The following PIWIL2 variants were observed in gnomAD, a reference collection of about 807,000 sequenced individuals.
The protein encoded by PIWIL2 is piwi-like protein 2.
Under a neutral mutation model 116.5 loss-of-function variants are expected in PIWIL2, and 81 were observed. That is an observed-to-expected ratio of 0.70 (90% CI 0.58 to 0.84). The LOEUF is 0.84. PIWIL2 is among the 40% of genes least tolerant of loss of function. The pLI, the probability that PIWIL2 is intolerant of heterozygous loss-of-function variation, is 0.00. For synonymous variants in PIWIL2, 489 were observed against 429.5 expected (o/e 1.14, Z -1.71); for missense variants, 1,272 against 1,212.3 (o/e 1.05, Z -0.73).
chr8:22,340,026 A>G (rs991162373), intron 20 of PIWIL2, among the ~76,000 whole-genome samples: 6 of 151,088 alleles, frequency 4.0e-5, no homozygotes, highest in Non-Finnish European at 8.8e-5. Flanking sequence ...AGCAGAGTGA[A>G]CCTAACTGTA....
chr8:22,290,317 C>G lies in PIWIL2; in HGVS notation c.1152C>G (p.Val384=). ...TGCTAGCTGATGTCTCCCATAAGGT[C>G]ATTCGGAATGACTGTGTGCTGGATG... ...LFLLADVSHK[V]IRNDCVLDVM... Residue 384 remains valine, a synonymous_variant, in exon 10 of 23, where the codon GTC becomes GTG. Transcript: ENST00000356766. 6.2e-7 allele frequency: 1 copy of G among 1,608,742 alleles called. No individual in the cohort carries two copies. Among genetic ancestry groups the G allele is most frequent in the East Asian group, 2.2e-5 (1 of 44,772 alleles).
intron 1 of PIWIL2, 113 bp downstream of exon 1, chr8:22,275,511 C>T (rs1830341402): frequency 6.6e-6 from 1 of 152,184 alleles, no homozygotes; most frequent in Non-Finnish European, 1.5e-5. Context: ...GGCCTCTCCC[C>T]TCCCACTTCG....
intron 12 of PIWIL2, 84 bp downstream of exon 12, chr8:22,304,952 G>A: frequency 1.1e-6 from 1 of 899,600 alleles, no homozygotes; most frequent in South Asian, 1.4e-5. Flanking sequence ...GGCTTTGTGG[G>A]AGCTGTGGAG....
At chr8:22,296,848 T>C (rs565756480) in intron 10 of PIWIL2, among the ~76,000 whole-genome samples, 178 of 152,340 alleles carry the variant, frequency 1.2e-3, no homozygotes, top group Non-Finnish European at 2.1e-3. Context: ...TGTCCTTTAG[T>C]GTGGACTCTG....
intron 8 of PIWIL2, among the ~76,000 whole-genome samples, chr8:22,289,374 A>G (rs1170638895): frequency 6.6e-6 from 1 of 152,038 alleles, no homozygotes; most frequent in Non-Finnish European, 1.5e-5. Context: ...GATGGTCTCG[A>G]TCTTTTGACC....
At chr8:22,300,149 T>C (rs1051651010) in intron 10 of PIWIL2, among the ~76,000 whole-genome samples, 3 of 152,144 alleles carry the variant, frequency 2.0e-5, no homozygotes, top group African/African-American at 7.2e-5. Context: ...CAGGCCGGTC[T>C]TGAACTCCTG....
At chr8:22,334,357 A>G (rs1480406166) in intron 20 of PIWIL2, among the ~76,000 whole-genome samples, 1 of 151,652 alleles carries the variant, frequency 6.6e-6, no homozygotes, top group Non-Finnish European at 1.5e-5. Context: ...TCCCATCTCT[A>G]CTAAAAATAC....
intron 13 of PIWIL2, 88 bp downstream of exon 13, chr8:22,306,104 C>A: frequency 1.1e-6 from 1 of 877,636 alleles, no homozygotes; most frequent in Non-Finnish European, 1.9e-6. Flanking sequence ...AGCCACGTTC[C>A]AACTCTGATG....
intron 20 of PIWIL2, among the ~76,000 whole-genome samples, chr8:22,327,386 A>C (rs1471245991): frequency 9.0e-6 from 1 of 110,702 alleles, no homozygotes; most frequent in East Asian, 2.6e-4. Flanking sequence ...TTTTTTTTTG[A>C]GACGGAGTTT....
At chr8:22,323,293 G>A (rs935763130) in intron 20 of PIWIL2, among the ~76,000 whole-genome samples, 5 of 151,962 alleles carry the variant, frequency 3.3e-5, no homozygotes, top group Non-Finnish European at 5.9e-5. Flanking sequence ...GACTATAGGC[G>A]TGTGCCACCA....
chr8:22,277,133 T>A (rs1830395862), intron 1 of PIWIL2, among the ~76,000 whole-genome samples: 1 of 152,046 alleles, frequency 6.6e-6, no homozygotes, highest in Non-Finnish European at 1.5e-5. Context: ...GCAATTCTTG[T>A]GCCTCAGACT....
chr8:22,281,455 A>T lies in PIWIL2; in HGVS notation c.365A>T (p.Asp122Val), dbSNP rs756785802. 1 of 1,604,754 alleles carries T rather than the reference A, an allele frequency of 6.2e-7. No individual in the cohort carries two copies. The change falls in exon 4 of 23, where the codon GAT becomes GTT. Residue 122 changes from aspartate (D) to valine (V), a missense_variant. Asp to Val is a radical substitution (Grantham distance 152, BLOSUM62 -3). Coordinates refer to ENST00000356766, the MANE Select transcript of PIWIL2 (RefSeq NM_018068.5). ...DREELSPTFW[D>V]PKVLAAGDSK... ...GAGGAACTCTCTCCCACTTTTTGGGATCCAAAAGTGTTGGCGGCTGGGGAC... is the reference window on the plus strand; with the variant it reads ...GAGGAACTCTCTCCCACTTTTTGGGTTCCAAAAGTGTTGGCGGCTGGGGAC...
chr8:22,303,001 C>T (rs748996254), intron 10 of PIWIL2, among the ~76,000 whole-genome samples: 21 of 152,200 alleles, frequency 1.4e-4, no homozygotes, highest in South Asian at 4.1e-4. Context: ...CCCATCCCTA[C>T]CCCTAGATTA....
chr8:22,349,415 GTGTGTATATATATATATA>G (rs1832303588), intron 20 of PIWIL2, among the ~76,000 whole-genome samples: 2 of 134,944 alleles, frequency 1.5e-5, no homozygotes, highest in Non-Finnish European at 1.6e-5. Flanking sequence ...ATATATGTGT[GTGTGTATATATATATATA>G]TATATATATA....
intron 20 of PIWIL2, among the ~76,000 whole-genome samples, chr8:22,340,401 C>T (rs951692319): frequency 6.6e-6 from 1 of 152,138 alleles, no homozygotes; most frequent in Non-Finnish European, 1.5e-5. Context: ...TTAAATAAAG[C>T]TTCTCCAGAT....
At chr8:22,280,275 A>G (rs1187849873) in intron 2 of PIWIL2, among the ~76,000 whole-genome samples, 1 of 152,194 alleles carries the variant, frequency 6.6e-6, no homozygotes, top group African/African-American at 2.4e-5. Flanking sequence ...CTCTGAGGTA[A>G]TAATACTTTT....
chr8:22,354,688 A>C (rs1157804957), intron 22 of PIWIL2, among the ~76,000 whole-genome samples: 1 of 152,216 alleles, frequency 6.6e-6, no homozygotes, highest in Non-Finnish European at 1.5e-5. Flanking sequence ...CGTTGAGTTC[A>C]GATTATATAA....
chr8:22,282,432 C>T (rs1425722452), intron 4 of PIWIL2, among the ~76,000 whole-genome samples: 2 of 151,996 alleles, frequency 1.3e-5, no homozygotes, highest in East Asian at 3.9e-4. Flanking sequence ...AGGTAATCCT[C>T]CCGCCTTGGC....
At chr8:22,282,787 A>G (rs1830540840) in intron 4 of PIWIL2, among the ~76,000 whole-genome samples, 1 of 151,854 alleles carries the variant, frequency 6.6e-6, no homozygotes, top group South Asian at 2.1e-4. Context: ...GCGGGGTCTC[A>G]CTGTATTGTT....
Sources: gnomAD v4.1 joint callset for allele counts (sites outside exome capture counted in the v4.1 genomes callset) on GRCh38, gnomAD v4.1.1 for gene constraint, MANE v1.5 for transcripts, NCBI Gene and HGNC (gene_info 2026-07-23, HGNC 2026-07-21) for gene names.